Variants in PREX1 observed in about 807,000 individuals in gnomAD.
The protein encoded by PREX1 is phosphatidylinositol 3,4,5-trisphosphate-dependent Rac exchanger 1 protein.
PREX1 carries 41 observed loss-of-function variants against 198.3 expected under a neutral mutation model. The observed-to-expected ratio is 0.21, with a 90% CI of 0.16 to 0.27. The LOEUF (loss-of-function observed/expected upper bound fraction) is 0.27, where lower values mean the gene tolerates loss of function less well. Among genes scored for constraint, PREX1 ranks in the 10% least tolerant of loss-of-function variants. PREX1 has a pLI of 1.00. For missense variants in PREX1, 1,620 were observed against 2,200.7 expected (o/e 0.74, Z 5.28); for synonymous variants, 843 against 887.2 (o/e 0.95, Z 0.89).
chr20:48,747,516 A>C (rs1359646292), intron 2 of PREX1, among the ~76,000 whole-genome samples: 1 of 152,234 alleles, frequency 6.6e-6, no homozygotes, highest in Non-Finnish European at 1.5e-5. Flanking sequence ...GCCTGACACG[A>C]GGAGCCCGGA....
At chr20:48,630,574 G>A (rs576365442) in intron 36 of PREX1, among the ~76,000 whole-genome samples, 154 bp downstream of exon 36, 76 of 152,190 alleles carry the variant, frequency 5.0e-4, no homozygotes, top group Non-Finnish European at 9.3e-4. Flanking sequence ...AAGCTATCAT[G>A]GGAGACTTCC....
the PREX1 span, among the ~76,000 whole-genome samples, chr20:48,870,441 C>T: frequency 2.0e-5 from 3 of 152,166 alleles, no homozygotes; most frequent in Non-Finnish European, 4.4e-5. Flanking sequence ...GCACCTGATC[C>T]GCTTCCCAGC....
At chr20:48,630,021 T>TG (rs1422942168) in intron 36 of PREX1, among the ~76,000 whole-genome samples, 1 of 151,682 alleles carries the variant, frequency 6.6e-6, no homozygotes, top group African/African-American at 2.4e-5. Flanking sequence ...CACGTGGAGG[T>TG]GCAAGGGGTG....
At chr20:48,751,217 G>A (rs1310054373) in intron 1 of PREX1, among the ~76,000 whole-genome samples, 2 of 152,148 alleles carry the variant, frequency 1.3e-5, no homozygotes, top group Non-Finnish European at 2.9e-5. Flanking sequence ...GAGGGGACAG[G>A]GACTGGGGTT....
chr20:48,755,700 G>T (rs1443832143), intron 1 of PREX1, among the ~76,000 whole-genome samples: 1 of 152,116 alleles, frequency 6.6e-6, no homozygotes, highest in East Asian at 1.9e-4. Flanking sequence ...TCCGCCCTGG[G>T]TCACCTATAA....
At position 48,691,409 on chromosome 20, in the gene PREX1, TCC is replaced by T. The variant is rs2089818752; in HGVS notation, c.1037-315_1037-314del. Reference sequence around the variant, plus strand: ...TGGAGCCCCAAAATGCTTCCTGGGCTCCTCCCATCTCACTCGGGCACTGGAGT... The same window carrying T: ...TGGAGCCCCAAAATGCTTCCTGGGCTTCCCATCTCACTCGGGCACTGGAGT... On this transcript the variant is annotated intron_variant, in intron 8 of 39. Transcript: ENST00000371941. The surrounding 1 kb of genome is among the most constrained non-coding windows in gnomAD (Gnocchi z 5.0). Among the ~76,000 whole-genome samples the T allele has an allele frequency of 6.6e-6, 1 of 152,044 alleles. No homozygotes were observed. The highest frequency in any genetic ancestry group is 2.1e-4 in the South Asian group (1 of 4,822).
the PREX1 span, among the ~76,000 whole-genome samples, chr20:48,833,443 C>CTT: frequency 9.2e-4 from 113 of 122,976 alleles, no homozygotes; most frequent in African/African-American, 3.4e-3. Context: ...TCTTTTCTTT[C>CTT]TTTTTTTTTT....
chr20:48,770,104 G>C (rs373900162), intron 1 of PREX1, among the ~76,000 whole-genome samples: 31 of 152,330 alleles, frequency 2.0e-4, no homozygotes, highest in African/African-American at 7.2e-4. Context: ...CAATTAAAAA[G>C]AACAATTAGA....
the PREX1 span, among the ~76,000 whole-genome samples, chr20:48,852,822 T>C: frequency 3.3e-5 from 5 of 152,336 alleles, no homozygotes; most frequent in East Asian, 9.6e-4. Context: ...AGGAGGAGCA[T>C]TATACAGCCT....
intron 9 of PREX1, among the ~76,000 whole-genome samples, chr20:48,690,715 G>A (rs2089814533): frequency 3.9e-5 from 6 of 152,146 alleles, no homozygotes; most frequent in Non-Finnish European, 7.4e-5. Context: ...AAGACCTTCG[G>A]GCAAGACCCT....
intron 1 of PREX1, among the ~76,000 whole-genome samples, chr20:48,821,037 T>TA (rs1346832381): frequency 6.6e-6 from 1 of 151,928 alleles, no homozygotes; most frequent in Non-Finnish European, 1.5e-5. Context: ...CTGTCTCTAC[T>TA]AAAAAAATAC....
At chr20:48,693,281 C>T (rs531439850) in intron 7 of PREX1, among the ~76,000 whole-genome samples, 47 of 152,194 alleles carry the variant, frequency 3.1e-4, no homozygotes, top group Non-Finnish European at 4.9e-4. Flanking sequence ...CATTCACCCA[C>T]TCCTATAGTC....
At chr20:48,767,332 G>C (rs2090213286) in intron 1 of PREX1, among the ~76,000 whole-genome samples, 1 of 152,152 alleles carries the variant, frequency 6.6e-6, no homozygotes, top group Admixed American at 6.5e-5. Context: ...CTATGGGACA[G>C]AGCCCCCGAG....
At chr20:48,876,041 G>T in the PREX1 span, among the ~76,000 whole-genome samples, 1 of 152,146 alleles carries the variant, frequency 6.6e-6, no homozygotes, top group Admixed American at 6.5e-5. Context: ...GTAATAACTT[G>T]GCAGATTCAC....
At position 48,679,216 on chromosome 20, in the gene PREX1, TG is replaced by T. The variant is rs979207326; in HGVS notation, c.1589+143del. 131 of 711,958 alleles carry T rather than the reference TG, an allele frequency of 1.8e-4. No homozygotes were observed. In the African/African-American group the frequency reaches 2.1e-3, roughly 11 times the overall value. The allele number at this position is 711,958 out of a possible 1,614,324, so 44.1% of individuals were successfully genotyped here. On this transcript the variant is annotated intron_variant, in intron 13 of 39. Transcript: ENST00000371941. ...CACAATTTAATTCAGTTAATCCTAA[TG>T]ACAAATCTAAAGGATAGGTGCCACT... is the stretch of plus-strand genomic sequence containing the variant.
intron 32 of PREX1, 47 bp from the exon 33 acceptor site, chr20:48,634,822 C>G: frequency 1.3e-6 from 2 of 1,517,568 alleles, no homozygotes; most frequent in Non-Finnish European, 1.8e-6. Flanking sequence ...CCAACCCTGC[C>G]CCAGGGTTTC....
At position 48,754,592 on chromosome 20, in the gene PREX1, G is replaced by A. The variant is rs548840236; in HGVS notation, c.220-6712C>T. ...GGCAACCTGATCTGCTTGGGGAGGGGGCCCGACTGCCCCCAAGGACACCTC... is the reference window on the plus strand; with the variant it reads ...GGCAACCTGATCTGCTTGGGGAGGGAGCCCGACTGCCCCCAAGGACACCTC... On this transcript the variant is annotated intron_variant, in intron 1 of 39. Coordinates refer to ENST00000371941, the MANE Select transcript of PREX1 (RefSeq NM_020820.4). Among the ~76,000 whole-genome samples the A allele has an allele frequency of 2.0e-5, 3 of 151,620 alleles. No homozygotes were observed. The South Asian group carries it at 6.3e-4, about 32-fold the overall frequency.
At chr20:48,852,522 A>C in the PREX1 span, among the ~76,000 whole-genome samples, 1 of 152,206 alleles carries the variant, frequency 6.6e-6, no homozygotes, top group Non-Finnish European at 1.5e-5. Flanking sequence ...ATGCTTTTTA[A>C]ACTTTAATGT....
chr20:48,833,405 T>C, the PREX1 span, among the ~76,000 whole-genome samples: 2 of 151,420 alleles, frequency 1.3e-5, no homozygotes, highest in African/African-American at 4.9e-5. Context: ...ATGTATAACA[T>C]CCCATTTTGG....
Sources: gnomAD v4.1 joint callset for allele counts (sites outside exome capture counted in the v4.1 genomes callset) on GRCh38, gnomAD v4.1.1 for gene constraint, Gnocchi (gnomAD v3.1) non-coding constraint, MANE v1.5 for transcripts, NCBI Gene and HGNC (gene_info 2026-07-23, HGNC 2026-07-21) for gene names.